The following FRMPD2 variants were observed in gnomAD, a reference collection of about 807,000 sequenced individuals.
FRMPD2 encodes FERM and PDZ domain containing 2.
FRMPD2 carries 96 observed loss-of-function variants against 140.1 expected under a neutral mutation model. That is an observed-to-expected ratio of 0.69 (90% CI 0.58 to 0.81). FRMPD2 has a LOEUF of 0.81. FRMPD2 is among the 40% of genes least tolerant of loss of function. The pLI is 0.00. For synonymous variants in FRMPD2, 449 were observed against 547.6 expected, an observed-to-expected ratio of 0.82 and a Z score of 2.52; for missense variants, 1,240 against 1,447.4, an observed-to-expected ratio of 0.86 and a Z score of 2.32.
chr10:48,160,277 A>C (rs1431236297), intron 28 of FRMPD2, among the ~76,000 whole-genome samples: 13 of 151,708 alleles, frequency 8.6e-5, no homozygotes, highest in African/African-American at 3.2e-4. Context: ...GTGTGAGAAA[A>C]GAGAACAGGG....
chr10:48,192,241 C>CA (rs1406117294), intron 16 of FRMPD2, among the ~76,000 whole-genome samples: 1 of 152,162 alleles, frequency 6.6e-6, no homozygotes, highest in Admixed American at 6.5e-5. Flanking sequence ...AATTGATTGA[C>CA]AGTTACCCAA....
chr10:48,268,594 G>T (rs561890330), intron 1 of FRMPD2, among the ~76,000 whole-genome samples: 2 of 152,188 alleles, frequency 1.3e-5, no homozygotes, highest in Non-Finnish European at 2.9e-5. Flanking sequence ...CTATTGATAC[G>T]TGCAACAGCT....
intron 13 of FRMPD2, among the ~76,000 whole-genome samples, chr10:48,210,836 G>A (rs1481364895): frequency 6.6e-6 from 1 of 152,184 alleles, no homozygotes; most frequent in Middle Eastern, 3.2e-3. Context: ...CTCAATTAAG[G>A]GCAAGAAAAC....
chr10:48,267,163 G>C (rs1394291759), intron 1 of FRMPD2, among the ~76,000 whole-genome samples: 1 of 152,106 alleles, frequency 6.6e-6, no homozygotes, highest in Non-Finnish European at 1.5e-5. Flanking sequence ...AGTCGCTATT[G>C]CTCATCATAT....
chr10:48,243,461 G>T (rs944669738), intron 4 of FRMPD2, among the ~76,000 whole-genome samples: 14 of 152,150 alleles, frequency 9.2e-5, no homozygotes, highest in African/African-American at 3.4e-4. Context: ...AGCAATGTGG[G>T]GTCCCTTGTT....
intron 10 of FRMPD2, among the ~76,000 whole-genome samples, chr10:48,226,545 A>G (rs1387658309): frequency 6.6e-6 from 1 of 152,364 alleles, no homozygotes; most frequent in East Asian, 1.9e-4. Flanking sequence ...TTTTAAGAGC[A>G]GGTGCAAATT....
intron 10 of FRMPD2, among the ~76,000 whole-genome samples, chr10:48,227,385 G>A (rs1046573707): frequency 2.6e-5 from 4 of 152,178 alleles, no homozygotes; most frequent in Non-Finnish European, 4.4e-5. Context: ...AGACTGTCAG[G>A]TTTGCATCAG....
At chr10:48,206,552 G>A (rs530450421) in intron 14 of FRMPD2, among the ~76,000 whole-genome samples, 196 bp downstream of exon 14, 1 of 152,164 alleles carries the variant, frequency 6.6e-6, no homozygotes, top group Admixed American at 6.5e-5. Flanking sequence ...GGCCTCCTGA[G>A]GACCTCCCAA....
chr10:48,211,940 C>A lies in FRMPD2; in HGVS notation c.1611+14G>T. On this transcript the variant is annotated intron_variant, in intron 13 of 28. Coordinates refer to ENST00000374201, the MANE Select transcript of FRMPD2 (RefSeq NM_001018071.4). ...TGAAGACCAACACCTCTCTCCAGGTCAGGAAGGCCTTACCCTCAAGAACTT... is the reference window on the plus strand; with the variant it reads ...TGAAGACCAACACCTCTCTCCAGGTAAGGAAGGCCTTACCCTCAAGAACTT... The A allele has an allele frequency of 6.8e-6, 11 of 1,611,268 alleles. No individual in the cohort carries two copies. The highest frequency in any genetic ancestry group is 1.1e-5 in the South Asian group (1 of 90,540).
intron 28 of FRMPD2, among the ~76,000 whole-genome samples, chr10:48,158,187 A>C (rs2132379762): frequency 6.6e-6 from 1 of 151,016 alleles, no homozygotes; most frequent in East Asian, 2.0e-4. Context: ...TCTGAGGTTC[A>C]ACCAAAGAAA....
At chr10:48,210,940 C>A (rs1222602744) in intron 13 of FRMPD2, among the ~76,000 whole-genome samples, 1 of 152,248 alleles carries the variant, frequency 6.6e-6, no homozygotes, top group Non-Finnish European at 1.5e-5. Flanking sequence ...AATGGCCCAG[C>A]TTGTATCCCA....
intron 16 of FRMPD2, among the ~76,000 whole-genome samples, chr10:48,190,740 G>A (rs1268829138): frequency 6.6e-6 from 1 of 152,156 alleles, no homozygotes; most frequent in Non-Finnish European, 1.5e-5. Context: ...CAAGATTAGA[G>A]TTATACCGAA....
chr10:48,174,331 G>A (rs1304399863), intron 24 of FRMPD2, among the ~76,000 whole-genome samples: 7 of 139,432 alleles, frequency 5.0e-5, no homozygotes, highest in Non-Finnish European at 1.2e-4. Context: ...GGAATAAAGG[G>A]GACATAAAGG....
intron 16 of FRMPD2, among the ~76,000 whole-genome samples, chr10:48,190,294 C>T (rs915546194): frequency 1.3e-5 from 2 of 152,124 alleles, no homozygotes; most frequent in Admixed American, 6.5e-5. Context: ...TCTTGGGAGC[C>T]GTCTCCTCCA....
At chr10:48,242,408 G>A in intron 4 of FRMPD2, 56 bp from the exon 5 acceptor site, 39 of 1,504,256 alleles carry the variant, frequency 2.6e-5, no homozygotes, top group Non-Finnish European at 3.6e-5. Flanking sequence ...CCACTACGAG[G>A]CCAGCACCTT....
chr10:48,199,256 G>A (rs1319105289), intron 15 of FRMPD2, among the ~76,000 whole-genome samples: 2 of 122,300 alleles, frequency 1.6e-5, no homozygotes, highest in South Asian at 2.6e-4. Context: ...AAATTTTTCT[G>A]AAAAAATGAG....
chr10:48,239,551 C>T, intron 7 of FRMPD2, 54 bp downstream of exon 7: 1 of 1,304,910 alleles, frequency 7.7e-7, no homozygotes, highest in South Asian at 1.2e-5. Context: ...ACCATAGCCC[C>T]CACACCTATG....
chr10:48,254,953 T>G (rs1263907533), intron 1 of FRMPD2, among the ~76,000 whole-genome samples: 1 of 152,152 alleles, frequency 6.6e-6, no homozygotes, highest in African/African-American at 2.4e-5. Context: ...CCTCTCCAAG[T>G]TTTTCATGGT....
chr10:48,160,246 G>A (rs1407142322), intron 28 of FRMPD2, among the ~76,000 whole-genome samples: 2 of 151,532 alleles, frequency 1.3e-5, no homozygotes, highest in African/African-American at 2.4e-5. Context: ...ACTACTAGAC[G>A]GTAAAATCTC....
Sources: allele counts gnomAD v4.1 joint callset (sites outside exome capture counted in the v4.1 genomes callset), GRCh38; gene constraint gnomAD v4.1.1; transcripts MANE v1.5; gene names NCBI Gene and HGNC (gene_info 2026-07-23, HGNC 2026-07-21).